The following ZFHX3 variants were observed in gnomAD, a reference collection of about 807,000 sequenced individuals.
ZFHX3 encodes zinc finger homeobox protein 3.
Under a neutral mutation model 279.1 loss-of-function variants are expected in ZFHX3, and 42 were observed. The observed-to-expected ratio is 0.15, with a 90% CI of 0.12 to 0.19. The LOEUF (loss-of-function observed/expected upper bound fraction) is 0.19. ZFHX3 is among the 10% of genes least tolerant of loss of function. The probability of loss-of-function intolerance (pLI) is 1.00; values close to 1 mark genes in which losing one functional copy is unlikely to be tolerated. For missense variants in ZFHX3, 4,981 were observed against 4,754.0 expected (o/e 1.05, Z -1.40); for synonymous variants, 2,293 against 1,957.8 (o/e 1.17, Z -4.52).
At chr16:73,097,186 T>C (rs1966174840) in intron 7 of ZFHX3, among the ~76,000 whole-genome samples, 1 of 151,734 alleles carries the variant, frequency 6.6e-6, no homozygotes, top group Non-Finnish European at 1.5e-5. Context: ...CCCAAGTAGC[T>C]GGGACTAGAG....
At chr16:73,095,724 A>C (rs62052381) in intron 7 of ZFHX3, among the ~76,000 whole-genome samples, 2,406 of 152,310 alleles carry the variant, frequency 0.016, 32 homozygotes, top group South Asian at 0.037. Context: ...ATCATTTTAC[A>C]TTTTAAATAT....
At chr16:73,848,386 A>G (rs1166916214) in intron 1 of ZFHX3, among the ~76,000 whole-genome samples, 1 of 151,664 alleles carries the variant, frequency 6.6e-6, no homozygotes, top group African/African-American at 2.4e-5. Flanking sequence ...ACGTTACTTG[A>G]TATCTAATAG....
At chr16:73,551,080 G>T (rs909833914) in intron 2 of ZFHX3, among the ~76,000 whole-genome samples, 2 of 152,152 alleles carry the variant, frequency 1.3e-5, no homozygotes, top group African/African-American at 4.8e-5. Flanking sequence ...TCTGTTACAC[G>T]AGAGATTGCT....
At chr16:73,277,879 T>C (rs1314558763) in intron 4 of ZFHX3, among the ~76,000 whole-genome samples, 2 of 152,102 alleles carry the variant, frequency 1.3e-5, no homozygotes, top group Non-Finnish European at 2.9e-5. Context: ...GGGAGCAAGG[T>C]GTCTTACAAG....
intron 1 of ZFHX3, among the ~76,000 whole-genome samples, chr16:73,038,558 G>C (rs1964995492): frequency 6.6e-6 from 1 of 152,190 alleles, no homozygotes; most frequent in Non-Finnish European, 1.5e-5. Context: ...GTTGAGACCA[G>C]AACATCATGG....
rs141370966 is a variant in ZFHX3 at position 73,881,562 on chromosome 16, C to G, written c.-1608+10089G>C. Among the ~76,000 whole-genome samples, 8 of 144,288 alleles carry G rather than the reference C, an allele frequency of 5.5e-5. No homozygotes were observed. The East Asian group carries it at 1.7e-3, about 30-fold the overall frequency. 94.7% of individuals were successfully genotyped at this position (144,288 alleles called of 152,430 possible). On this transcript the variant is annotated intron_variant, in intron 1 of 17. Coordinates refer to the ZFHX3 transcript ENST00000641206. Reference sequence around the variant, plus strand: ...CAAAGAGAAAGTGTCTATAGCTTCACTGTTCCATTTTTATCTGTTTAGGAA... The same window carrying G: ...CAAAGAGAAAGTGTCTATAGCTTCAGTGTTCCATTTTTATCTGTTTAGGAA...
At chr16:73,198,246 G>A (rs1475361901) in intron 5 of ZFHX3, among the ~76,000 whole-genome samples, 4 of 151,542 alleles carry the variant, frequency 2.6e-5, no homozygotes, top group African/African-American at 9.7e-5. Flanking sequence ...CCCTTATTTG[G>A]TGTTTGAAGA....
At position 73,256,674 on chromosome 16, in the gene ZFHX3, T is replaced by C. The variant is rs574377484; in HGVS notation, c.-1104+373A>G. ...GTGCAATGTAAAGAGTTTAGGGAAA[T>C]ACCTTCAAAATAATCCAGTTTGAAT... On this transcript the variant is annotated intron_variant, in intron 5 of 17. Transcript: ENST00000641206. Among the ~76,000 whole-genome samples, 3 of 152,326 alleles carry C rather than the reference T, an allele frequency of 2.0e-5. No homozygotes were observed. The East Asian group carries it at 5.8e-4, about 29-fold the overall frequency.
intron 1 of ZFHX3, among the ~76,000 whole-genome samples, chr16:73,019,387 T>C (rs1314635162): frequency 6.6e-6 from 1 of 152,054 alleles, no homozygotes; most frequent in Non-Finnish European, 1.5e-5. Context: ...TGTGCGTGTC[T>C]GCACGCGCAC....
At chr16:73,184,494 C>T (rs74367167) in intron 5 of ZFHX3, among the ~76,000 whole-genome samples, 8,557 of 152,220 alleles carry the variant, frequency 0.056, 312 homozygotes, top group Non-Finnish European at 0.082. Context: ...AGGTGCTCTG[C>T]CACTGCCCAA....
At chr16:72,917,558 T>C (rs1173779827) in intron 3 of ZFHX3, among the ~76,000 whole-genome samples, 1 of 152,220 alleles carries the variant, frequency 6.6e-6, no homozygotes, top group Non-Finnish European at 1.5e-5. Flanking sequence ...TTGGTGCAGC[T>C]ATCAAAAATC....
chr16:73,602,465 A>T (rs1013152181), intron 2 of ZFHX3, among the ~76,000 whole-genome samples: 2 of 152,156 alleles, frequency 1.3e-5, no homozygotes, highest in Non-Finnish European at 1.5e-5. Context: ...AGGGCAGGGG[A>T]GAAAACCAAG....
chr16:73,046,413 G>A (rs1965305855), intron 1 of ZFHX3, among the ~76,000 whole-genome samples: 1 of 152,124 alleles, frequency 6.6e-6, no homozygotes, highest in Admixed American at 6.5e-5. Context: ...GAAGGTGTAT[G>A]TTTTCCTACC....
At chr16:73,253,875 A>C (rs763532473) in intron 5 of ZFHX3, among the ~76,000 whole-genome samples, 3 of 152,180 alleles carry the variant, frequency 2.0e-5, no homozygotes, top group Non-Finnish European at 4.4e-5. Context: ...GAAGGAGTTA[A>C]GGTCCTTAAA....
intron 2 of ZFHX3, among the ~76,000 whole-genome samples, chr16:73,586,204 C>A (rs1456063486): frequency 1.3e-5 from 2 of 151,976 alleles, no homozygotes; most frequent in Middle Eastern, 3.4e-3. Context: ...GCCTGGCCAA[C>A]ATGGTGAAAC....
At chr16:72,971,433 C>T (rs1012600853) in intron 1 of ZFHX3, among the ~76,000 whole-genome samples, 1 of 152,176 alleles carries the variant, frequency 6.6e-6, no homozygotes, top group Non-Finnish European at 1.5e-5. Context: ...TTGCGGCAGC[C>T]CACTTTACAG....
chr16:73,325,723 C>T (rs953580367), intron 3 of ZFHX3, among the ~76,000 whole-genome samples: 1 of 152,054 alleles, frequency 6.6e-6, no homozygotes, highest in African/African-American at 2.4e-5. Flanking sequence ...TAAGCCTTTT[C>T]ACCTCCAAGA....
intron 4 of ZFHX3, among the ~76,000 whole-genome samples, chr16:73,264,063 A>G (rs1383181567): frequency 1.3e-5 from 2 of 152,122 alleles, no homozygotes; most frequent in African/African-American, 4.8e-5. Context: ...GCTACTTGGG[A>G]GACTGAGGCA....
chr16:73,499,268 C>T (rs746629695), intron 2 of ZFHX3: 6 of 152,220 alleles, frequency 3.9e-5, no homozygotes, highest in Non-Finnish European at 5.9e-5. Flanking sequence ...GCATTTCCTT[C>T]AGCGCCACCA....
Sources: gnomAD v4.1 joint callset for allele counts (sites outside exome capture counted in the v4.1 genomes callset) on GRCh38, gnomAD v4.1.1 for gene constraint, MANE v1.5 for transcripts, NCBI Gene and HGNC (gene_info 2026-07-23, HGNC 2026-07-21) for gene names.